KIAA1958: variants seen among roughly 807,000 people sequenced by gnomAD.
KIAA1958 encodes the protein uncharacterized protein KIAA1958.
KIAA1958 carries 14 observed loss-of-function variants against 47.2 expected under a neutral mutation model. The ratio of observed to expected loss-of-function variants is 0.30; its 90% CI spans 0.20 to 0.46. The LOEUF is 0.46. KIAA1958 is among the 20% of genes least tolerant of loss of function. The pLI is 1.00. For missense variants in KIAA1958, 803 were observed against 909.2 expected (o/e 0.88, Z 1.50); for synonymous variants, 354 against 353.3 (o/e 1.00, Z -0.02).
chr9:112,559,711 C>A (rs536699957), intron 1 of KIAA1958, among the ~76,000 whole-genome samples: 53 of 152,312 alleles, frequency 3.5e-4, no homozygotes, highest in African/African-American at 1.3e-3. Flanking sequence ...ACAATTCCAT[C>A]AGGAGAATGA....
chr9:112,553,750 A>T (rs925985024), intron 1 of KIAA1958, among the ~76,000 whole-genome samples: 5 of 152,280 alleles, frequency 3.3e-5, no homozygotes, highest in Admixed American at 3.3e-4. Flanking sequence ...CACTTATCAC[A>T]CAGTGTTGAT....
At chr9:112,658,927 G>A (rs1837205388) in intron 3 of KIAA1958, among the ~76,000 whole-genome samples, 1 of 150,404 alleles carries the variant, frequency 6.6e-6, no homozygotes, top group African/African-American at 2.4e-5. Context: ...GGCTGAGGCA[G>A]GAGAATGGCG....
At position 112,516,328 on chromosome 9, in the gene KIAA1958, G is replaced by C. The variant is rs1449441026; in HGVS notation, c.-25+29210G>C. Among the ~76,000 whole-genome samples, 7 of 150,732 alleles carry C rather than the reference G, an allele frequency of 4.6e-5. No homozygotes were observed. The South Asian group carries it at 1.2e-3, about 27-fold the overall frequency. On this transcript the variant is annotated intron_variant, in intron 1 of 3. Coordinates refer to ENST00000337530, the MANE Select transcript of KIAA1958 (RefSeq NM_133465.4). ...TTCTATATATTAGCAACAAGCAATT[G>C]AACATTGACATTTAAAAATACCATT...
chr9:112,638,582 GT>G (rs1458848263), intron 2 of KIAA1958, among the ~76,000 whole-genome samples: 1 of 152,018 alleles, frequency 6.6e-6, no homozygotes, highest in South Asian at 2.1e-4. Context: ...CCTACATTTA[GT>G]TTTCCTTGTA....
rs1837353451 is a variant in KIAA1958 at position 112,666,563 on chromosome 9, A to G, written c.*6494A>G. ...ATCCGGCTCACAGAAGACCCTAGTG[A>G]GCTTCTTGTACCTTCCCAGAAAAAC... On this transcript the variant is annotated 3_prime_UTR_variant, in exon 4 of 4. Transcript: ENST00000337530. The G allele has an allele frequency of 6.6e-6, 1 of 152,180 alleles. No individual in the cohort carries two copies. The highest frequency in any genetic ancestry group is 1.5e-5 in the Non-Finnish European group (1 of 68,042). The allele number at this position is 152,180 out of a possible 1,614,324, so 9.4% of individuals were successfully genotyped here. A position where few individuals can be genotyped will look rare whatever the true frequency, so the allele number is the denominator to read the frequency against.
intron 2 of KIAA1958, among the ~76,000 whole-genome samples, chr9:112,633,305 T>TA (rs1450224795): frequency 6.6e-6 from 1 of 151,926 alleles, no homozygotes; most frequent in African/African-American, 2.4e-5. Flanking sequence ...CCCTAACAAG[T>TA]AACAACAGAA....
intron 2 of KIAA1958, among the ~76,000 whole-genome samples, chr9:112,632,051 T>C (rs1200030831): frequency 6.6e-6 from 1 of 152,178 alleles, no homozygotes; most frequent in Non-Finnish European, 1.5e-5. Context: ...ATTTTTCTTA[T>C]ATATACATTT....
chr9:112,527,691 C>A (rs1335344286), intron 1 of KIAA1958, among the ~76,000 whole-genome samples: 2 of 152,122 alleles, frequency 1.3e-5, no homozygotes, highest in Non-Finnish European at 2.9e-5. Context: ...AATCCCAGCA[C>A]TTTGGGAGAC....
At chr9:112,488,950 C>G (rs994729941) in intron 1 of KIAA1958, among the ~76,000 whole-genome samples, 1 of 152,138 alleles carries the variant, frequency 6.6e-6, no homozygotes, top group East Asian at 1.9e-4. Context: ...TACTTAAAAC[C>G]TAGCAGTGAT....
At chr9:112,557,142 TAG>T (rs1491061532) in intron 1 of KIAA1958, among the ~76,000 whole-genome samples, 2 of 143,204 alleles carry the variant, frequency 1.4e-5, no homozygotes, top group Non-Finnish European at 3.1e-5. Flanking sequence ...CAGTCTTTTG[TAG>T]AGACAGGGTC....
intron 2 of KIAA1958, chr9:112,582,722 G>GA (rs768292925): frequency 0.055 from 6,665 of 121,536 alleles, 410 homozygotes; most frequent in East Asian, 0.16. Context: ...CAATAGCCCT[G>GA]AAAAAAAAAA....
At chr9:112,656,774 A>G (rs1837159202) in intron 3 of KIAA1958, among the ~76,000 whole-genome samples, 1 of 152,170 alleles carries the variant, frequency 6.6e-6, no homozygotes, top group South Asian at 2.1e-4. Context: ...GGCTATTGAG[A>G]TCCTTTACCT....
At chr9:112,538,736 T>C (rs1343054896) in intron 1 of KIAA1958, among the ~76,000 whole-genome samples, 1 of 152,170 alleles carries the variant, frequency 6.6e-6, no homozygotes. Flanking sequence ...CTTAAGAGTA[T>C]TGAATCTAGA....
chr9:112,567,955 A>G (rs1180309755), intron 1 of KIAA1958, among the ~76,000 whole-genome samples: 2 of 91,038 alleles, frequency 2.2e-5, no homozygotes, highest in Non-Finnish European at 4.4e-5. Flanking sequence ...GCGAGAATCC[A>G]TCTCAAAAAA....
intron 3 of KIAA1958, among the ~76,000 whole-genome samples, chr9:112,658,063 G>C: frequency 6.6e-6 from 1 of 151,994 alleles, no homozygotes; most frequent in Non-Finnish European, 1.5e-5. Flanking sequence ...CACCATGTTG[G>C]CCAGGCTGGT....
At chr9:112,540,096 T>A (rs1490394945) in intron 1 of KIAA1958, among the ~76,000 whole-genome samples, 8 of 152,194 alleles carry the variant, frequency 5.3e-5, no homozygotes, top group Admixed American at 5.2e-4. Flanking sequence ...CCAAGGTACA[T>A]TTCAATAAGG....
chr9:112,522,091 C>G (rs1834554844), intron 1 of KIAA1958, among the ~76,000 whole-genome samples: 1 of 152,138 alleles, frequency 6.6e-6, no homozygotes, highest in African/African-American at 2.4e-5. Flanking sequence ...CCTGCCTCAG[C>G]CTCCCGAGTA....
chr9:112,623,620 T>C (rs1195021070), intron 2 of KIAA1958, among the ~76,000 whole-genome samples: 1 of 152,218 alleles, frequency 6.6e-6, no homozygotes, highest in Non-Finnish European at 1.5e-5. Flanking sequence ...AGATGAGATA[T>C]TAAGCAGTTT....
At chr9:112,624,135 A>G (rs376322256) in intron 2 of KIAA1958, among the ~76,000 whole-genome samples, 14 of 152,336 alleles carry the variant, frequency 9.2e-5, no homozygotes, top group African/African-American at 3.4e-4. Flanking sequence ...TTGGAGCAAG[A>G]TATCTTTTAA....
Sources: allele counts gnomAD v4.1 joint callset (sites outside exome capture counted in the v4.1 genomes callset), GRCh38; gene constraint gnomAD v4.1.1; transcripts MANE v1.5; gene names NCBI Gene and HGNC (gene_info 2026-07-23, HGNC 2026-07-21).